Variants in TOP3A observed in about 807,000 individuals in gnomAD.
TOP3A encodes DNA topoisomerase 3-alpha.
TOP3A carries 64 observed loss-of-function variants against 111.3 expected under a neutral mutation model. The observed-to-expected ratio is 0.57, with a 90% CI of 0.47 to 0.71. TOP3A has a LOEUF of 0.71. Among genes scored for constraint, TOP3A ranks in the 30% least tolerant of loss-of-function variants. The pLI, the probability that TOP3A is intolerant of heterozygous loss-of-function variation, is 0.00. For missense variants in TOP3A, 1,104 were observed against 1,285.0 expected, an observed-to-expected ratio of 0.86 and a Z score of 2.15; for synonymous variants, 484 against 485.1, an observed-to-expected ratio of 1.00 and a Z score of 0.03.
chr17:18,314,849 A>C lies in TOP3A; in HGVS notation c.-71T>G. ...CTGGGGAAGCCAGAGATGAGGCTCA[A>C]ATGGCGCCCACCGAAAGGGAACCAG... On this transcript the variant is annotated 5_prime_UTR_variant, in exon 1 of 19. It adds an upstream start codon to the 5' untranslated region. Transcript: ENST00000321105. The C allele has an allele frequency of 8.4e-7, 1 of 1,189,902 alleles. No homozygotes were observed. 73.7% of individuals were successfully genotyped at this position (1,189,902 alleles called of 1,614,324 possible). A position where few individuals can be genotyped will look rare whatever the true frequency, so the allele number is the denominator to read the frequency against.
intron 11 of TOP3A, 78 bp downstream of exon 11, chr17:18,292,567 G>A (rs1980543643): frequency 8.2e-7 from 1 of 1,217,678 alleles, no homozygotes; most frequent in Non-Finnish European, 1.1e-6. Context: ...ACAGCCCACA[G>A]AGTAAATTCA....
Position 18,271,826 on chromosome 17 carries a change from G to A in TOP3A, c.*2976C>T, listed in dbSNP as rs182713635. 2.3e-6 allele frequency: 1 copy of A among 431,082 alleles called. No homozygotes were observed. The allele number at this position is 431,082 out of a possible 1,614,324, so 26.7% of individuals were successfully genotyped here. ...CCTGTTAATCCTAGCACTTTGGGAG[G>A]CCGAGGCTGGTAGATCACCTGAGGT... On this transcript the variant is annotated 3_prime_UTR_variant, in exon 19 of 19. Transcript: ENST00000321105.
chr17:18,281,079 A>G (rs1047281113), intron 16 of TOP3A, among the ~76,000 whole-genome samples: 1 of 152,136 alleles, frequency 6.6e-6, no homozygotes, highest in African/African-American at 2.4e-5. Flanking sequence ...CAGGAATGGA[A>G]ACCCATCTGT....
intron 1 of TOP3A, chr17:18,312,807 C>A: frequency 5.3e-6 from 1 of 188,238 alleles, no homozygotes; most frequent in East Asian, 1.3e-4. Context: ...TGTATGTTCT[C>A]CTGGCCTTAT....
intron 18 of TOP3A, among the ~76,000 whole-genome samples, chr17:18,277,132 C>T (rs904293631): frequency 7.2e-6 from 1 of 138,108 alleles, no homozygotes; most frequent in Non-Finnish European, 1.5e-5. Context: ...TGCAGTGAAC[C>T]AAGATTGCAC....
rs34098037 is a variant in TOP3A, at chr17:18,277,862, G to A, written c.2640C>T (p.His880=). ...SLGCPPGPGI[H]LGGFGNPGDG... ...CACCAGGGTTGCCAAACCCACCTAG[G>A]TGGATCCCTGGGCCTGGTGGGCATC... Residue 880 remains histidine (H), a synonymous_variant, in exon 18 of 19, where the codon CAC becomes CAT. Transcript: ENST00000321105. 5,500 of 1,614,092 alleles carry A rather than the reference G, an allele frequency of 3.4e-3. 151 individuals are homozygous for A. The African/African-American group carries it at 0.064, about 19-fold the overall frequency.
chr17:18,304,855 C>T (rs2142986852), intron 5 of TOP3A, among the ~76,000 whole-genome samples: 1 of 152,152 alleles, frequency 6.6e-6, no homozygotes, highest in African/African-American at 2.4e-5. Flanking sequence ...AAATGGTTTA[C>T]ACCACTCATT....
chr17:18,271,505 A>G lies in TOP3A; in HGVS notation c.*3297T>C, dbSNP rs1441169209. The G allele has an allele frequency of 5.4e-6, 1 of 186,008 alleles. No homozygotes were observed. Among genetic ancestry groups the G allele is most frequent in the African/African-American group, 2.4e-5 (1 of 41,508 alleles). The allele number at this position is 186,008 out of a possible 1,614,324, so 11.5% of individuals were successfully genotyped here. A position where few individuals can be genotyped will look rare whatever the true frequency, so the allele number is the denominator to read the frequency against. On this transcript the variant is annotated 3_prime_UTR_variant, in exon 19 of 19. Transcript: ENST00000321105. ...AGAGAGCCTCAATATGAACAAGGAC[A>G]CCCCATTACGGATGAGGCAACTGGG...
rs951781429 is a variant in TOP3A, at chr17:18,278,324, G to C, written c.2178C>G (p.Pro726=). The C allele has an allele frequency of 1.3e-6, 2 of 1,516,394 alleles. No homozygotes were observed. Among genetic ancestry groups the C allele is most frequent in the African/African-American group, 2.8e-5 (2 of 71,804 alleles). 93.9% of individuals were successfully genotyped at this position (1,516,394 alleles called of 1,614,324 possible). A position where few individuals can be genotyped will look rare whatever the true frequency, so the allele number is the denominator to read the frequency against. The change falls in exon 18 of 19, where the codon CCC becomes CCG. Residue 726 remains proline (P), a synonymous_variant. Transcript: ENST00000321105. ...LKLKFKRGSL[P]PTMPLEFVCC... The stretch of plus-strand genomic sequence containing the variant: ...AAACAAACTCCAGAGGCATGGTCGG[G>C]GGAAGGCTACCGCGCTTAAACTTTA...
intron 10 of TOP3A, among the ~76,000 whole-genome samples, chr17:18,294,368 TC>T (rs1442751023): frequency 1.4e-4 from 22 of 152,016 alleles, no homozygotes; most frequent in African/African-American, 5.3e-4. Flanking sequence ...TCTCACTCAC[TC>T]ACCAGGCTGG....
At chr17:18,277,185 CAAAAAAA>C (rs34363304) in intron 18 of TOP3A, among the ~76,000 whole-genome samples, 8 of 96,480 alleles carry the variant, frequency 8.3e-5, no homozygotes, top group Non-Finnish European at 1.6e-4. Flanking sequence ...ACTCAGTCTC[CAAAAAAA>C]AAAAAAAAAA....
intron 9 of TOP3A, among the ~76,000 whole-genome samples, chr17:18,297,430 C>CT (rs1204250021): frequency 6.6e-6 from 1 of 152,006 alleles, no homozygotes; most frequent in African/African-American, 2.4e-5. Flanking sequence ...CGCCCTGTCC[C>CT]TGTCCCTGTC....
intron 9 of TOP3A, among the ~76,000 whole-genome samples, chr17:18,295,057 C>A (rs943202510): frequency 2.6e-5 from 4 of 152,240 alleles, no homozygotes; most frequent in Non-Finnish European, 5.9e-5. Context: ...CTATGTTGCG[C>A]AGGCTGATCT....
chr17:18,302,136 T>C lies in TOP3A; in HGVS notation c.814+128A>G, dbSNP rs1400094356. 5 of 1,383,572 alleles carry C rather than the reference T, an allele frequency of 3.6e-6. No homozygotes were observed. The African/African-American group carries it at 5.8e-5, about 16-fold the overall frequency. 85.7% of individuals were successfully genotyped at this position (1,383,572 alleles called of 1,614,324 possible). On this transcript the variant is annotated intron_variant, in intron 7 of 18. Transcript: ENST00000321105. ...AAAGGGAACTTTAAGTGGATTGTAA[T>C]GGGCCAGGGAGGATGACAGCAAGAC...
intron 9 of TOP3A, among the ~76,000 whole-genome samples, chr17:18,296,487 G>A (rs1235453474): frequency 1.3e-5 from 2 of 152,098 alleles, no homozygotes; most frequent in Non-Finnish European, 2.9e-5. Flanking sequence ...GGCTGAGGCA[G>A]GAGACTCGCT....
chr17:18,276,520 G>A (rs533051909), intron 18 of TOP3A, among the ~76,000 whole-genome samples: 1 of 152,228 alleles, frequency 6.6e-6, no homozygotes, highest in African/African-American at 2.4e-5. Context: ...TGACACATGT[G>A]TAAGAATCAT....
In TOP3A at chr17:18,272,167, T is replaced by C. The variant is rs1359664193; in HGVS notation, c.*2635A>G. Among the ~76,000 whole-genome samples the C allele has an allele frequency of 6.6e-6, 1 of 152,192 alleles. No individual in the cohort carries two copies. Among genetic ancestry groups the C allele is most frequent in the Non-Finnish European group, 1.5e-5 (1 of 68,032 alleles). ...GGCCAGTAAGCCTGTGGAAAGATGG[T>C]CAATGTCATTAATGACTAGGAAAAT... On this transcript the variant is annotated 3_prime_UTR_variant, in exon 19 of 19. Transcript: ENST00000321105.
chr17:18,278,451 C>T, intron 17 of TOP3A, 94 bp from the exon 18 acceptor site: 1 of 1,196,584 alleles, frequency 8.4e-7, no homozygotes, highest in African/African-American at 1.5e-5. Context: ...GGCCTCTCTC[C>T]ACCATTCCTT....
intron 10 of TOP3A, among the ~76,000 whole-genome samples, chr17:18,294,008 C>T (rs1288541666): frequency 6.6e-6 from 1 of 152,206 alleles, no homozygotes; most frequent in Non-Finnish European, 1.5e-5. Flanking sequence ...ATTTGGACAA[C>T]TTGAATTTCA....
Sources: allele counts gnomAD v4.1 joint callset (sites outside exome capture counted in the v4.1 genomes callset), GRCh38; gene constraint gnomAD v4.1.1; transcripts MANE v1.5; gene names NCBI Gene and HGNC (gene_info 2026-07-23, HGNC 2026-07-21).